The following RNF213 variants were observed in gnomAD, a reference collection of about 807,000 sequenced individuals.
RNF213 encodes ring finger protein 213, also known as E3 ubiquitin-protein ligase RNF213.
A neutral mutation model predicts 514.4 loss-of-function variants in RNF213; 341 were observed. That is an observed-to-expected ratio of 0.66 (90% CI 0.61 to 0.73). RNF213 has a LOEUF of 0.73. RNF213 is among the 30% of genes least tolerant of loss of function. The pLI, the probability that RNF213 is intolerant of heterozygous loss-of-function variation, is 0.00. For synonymous variants in RNF213, 2,655 were observed against 2,658.2 expected, an observed-to-expected ratio of 1.00 and a Z score of 0.04; for missense variants, 5,767 against 6,615.6, an observed-to-expected ratio of 0.87 and a Z score of 4.45.
rs756461345 is a variant in RNF213 at position 80,287,864 on chromosome 17, C to T, written c.311C>T (p.Ser104Phe). The part of the protein sequence containing the change: ...KKKKKGNKSA[S>F]SELASLPLSP... ...AAAAAGAAGGGGAACAAGTCCGCTT[C>T]CTCAGAGCTGGCTTCCTTGCCCCTT... Residue 104 changes from serine (S) to phenylalanine (F), a missense_variant, in exon 4 of 68, where the codon TCC (serine) becomes TTC (phenylalanine). Ser to Phe is a radical substitution (Grantham distance 155, BLOSUM62 -2). Transcript: ENST00000582970. 3.7e-6 allele frequency: 6 copies of T among 1,602,398 alleles called. No individual in the cohort carries two copies. The Admixed American group carries it at 6.8e-5, about 18-fold the overall frequency.
At chr17:80,282,711 T>G (rs983497221) in intron 3 of RNF213, among the ~76,000 whole-genome samples, 1 of 151,862 alleles carries the variant, frequency 6.6e-6, no homozygotes, top group Non-Finnish European at 1.5e-5. Context: ...TATTACTATT[T>G]TTCAAGGCAG....
chr17:80,317,334 A>G lies in RNF213; in HGVS notation c.2901+57A>G. On this transcript the variant is annotated intron_variant, in intron 16 of 67. Coordinates refer to ENST00000582970, the MANE Select transcript of RNF213 (RefSeq NM_001256071.3). This position sits in a 1 kb window ranked among gnomAD's most constrained non-coding sequence, Gnocchi z 4.1. ...GCGTGAAGGCAAGCTGGAGAACCCC[A>G]GACCATTAGCGACAGCCAAGAGATC... 3 of 1,510,770 alleles carry G rather than the reference A, an allele frequency of 2.0e-6. No homozygotes were observed. In the South Asian group the frequency reaches 3.5e-5, roughly 18 times the overall value. The allele number at this position is 1,510,770 out of a possible 1,614,324, so 93.6% of individuals were successfully genotyped here.
rs1238433526 is a variant in RNF213, at chr17:80,347,335, G to A, written c.9000G>A (p.Leu3000=). 6.2e-7 allele frequency: 1 copy of A among 1,613,968 alleles called. No individual in the cohort carries two copies. The highest frequency in any genetic ancestry group is 8.5e-7 in the Non-Finnish European group (1 of 1,180,018). The change falls in exon 29 of 68, where the codon CTG becomes CTA. Residue 3000 remains leucine (L), a synonymous_variant. Transcript: ENST00000582970. This position sits in a 1 kb window ranked among gnomAD's most constrained non-coding sequence, Gnocchi z 7.2. The part of the protein sequence containing the change: ...KDDIQALDIF[L]ANLPEAKCSE... ...ACATCCAAGCTTTGGACATCTTTCTGGCCAATTTGCCCGAGGCCAAGTGCT... is the reference window on the plus strand; with the variant it reads ...ACATCCAAGCTTTGGACATCTTTCTAGCCAATTTGCCCGAGGCCAAGTGCT...
chr17:80,344,898 G>T lies in RNF213; in HGVS notation c.6563G>T (p.Gly2188Val). 1 of 1,614,150 alleles carries T rather than the reference G, an allele frequency of 6.2e-7. No homozygotes were observed. The highest frequency in any genetic ancestry group is 8.5e-7 in the Non-Finnish European group (1 of 1,180,036). ...QDLDTFQYQE[G>V]SVEGTPEECL... ...CTAGACACGTTTCAGTATCAAGAAG[G>T]CTCTGTCGAAGGCACCCCGGAGGAA... The change falls in exon 29 of 68, where the codon GGC becomes GTC. Residue 2188 changes from glycine to valine, a missense_variant. Coordinates refer to ENST00000582970, the MANE Select transcript of RNF213 (RefSeq NM_001256071.3).
chr17:80,319,274 G>A lies in RNF213; in HGVS notation c.2986G>A (p.Glu996Lys), dbSNP rs1368310670. The A allele has an allele frequency of 1.9e-6, 3 of 1,614,162 alleles. No homozygotes were observed. Among genetic ancestry groups the A allele is most frequent in the Non-Finnish European group, 2.5e-6 (3 of 1,180,036 alleles). Reference sequence around the variant, plus strand: ...AGAGGACAGTGTGGCCAAGACCTTCGAGAAATGCATCATTGAAGCCGTGAG... The same window carrying A: ...AGAGGACAGTGTGGCCAAGACCTTCAAGAAATGCATCATTGAAGCCGTGAG... The part of the protein sequence containing the change: ...GLEDSVAKTF[E>K]KCIIEAVSSA... Residue 996 changes from glutamate (E) to lysine (K), a missense_variant, in exon 17 of 68, where the codon GAG becomes AAG. This residue lies in a region of RNF213 where 516 missense variants were observed against 566.5 expected (regional missense o/e 0.91). Transcript: ENST00000582970.
chr17:80,358,044 C>T (rs549600375), intron 36 of RNF213, among the ~76,000 whole-genome samples: 2 of 152,180 alleles, frequency 1.3e-5, no homozygotes, highest in Non-Finnish European at 2.9e-5. Context: ...AACCTAATGA[C>T]AGTTTATTAG....
rs762969923 is a variant in RNF213 at position 80,369,670 on chromosome 17, G to C, written c.12324G>C (p.Gln4108His). 4 of 1,614,098 alleles carry C rather than the reference G, an allele frequency of 2.5e-6. No individual in the cohort carries two copies. Among genetic ancestry groups the C allele is most frequent in the Non-Finnish European group, 3.4e-6 (4 of 1,180,062 alleles). ...AGGGGCGCTTAAGAGATGCTGCCCA[G>C]AGTAGGTTGCTTTCTTCCTGTAAAC... ...VQKGRLRDAA[Q>H]RHCEHTKSLS... The change falls in exon 45 of 68, where the codon CAG (glutamine) becomes CAC (histidine). Residue 4108 changes from glutamine (Q) to histidine (H), a missense_variant and splice_region_variant. Gln to His is a conservative substitution (Grantham distance 24, BLOSUM62 0). This residue lies in a region of RNF213 where 93 missense variants were observed against 95.6 expected (regional missense o/e 0.97). Transcript: ENST00000582970.
intron 36 of RNF213, chr17:80,355,359 A>G (rs866678372): frequency 0.046 from 18,592 of 404,256 alleles, 871 homozygotes; most frequent in Non-Finnish European, 0.067. Context: ...AAGCGGGGTG[A>G]ACGGGAATGG....
chr17:80,267,719 T>C (rs531283543), intron 2 of RNF213, among the ~76,000 whole-genome samples: 1 of 152,118 alleles, frequency 6.6e-6, no homozygotes, highest in South Asian at 2.1e-4. Flanking sequence ...AACATAAAAG[T>C]GCAAGGTGAA....
intron 16 of RNF213, among the ~76,000 whole-genome samples, chr17:80,318,397 T>C (rs1278568723): frequency 1.3e-5 from 2 of 151,970 alleles, no homozygotes; most frequent in African/African-American, 4.8e-5. Context: ...CCTCCATCAA[T>C]GGGGCCCCAG....
At position 80,379,709 on chromosome 17, in the gene RNF213, G is replaced by T; in HGVS notation, c.13635G>T (p.Leu4545=). 1 of 1,613,914 alleles carries T rather than the reference G, an allele frequency of 6.2e-7. No homozygotes were observed. The highest frequency in any genetic ancestry group is 8.5e-7 in the Non-Finnish European group (1 of 1,179,798). Residue 4545 remains leucine, a synonymous_variant, in exon 55 of 68, where the codon CTG becomes CTT. Coordinates refer to ENST00000582970, the MANE Select transcript of RNF213 (RefSeq NM_001256071.3). ...ACAAACCTCGGGACGGCTTTCATCT[G>T]GTCAAGTATGTGGGTCAGGATTCTA... The part of the protein sequence containing the change: ...IDHKPRDGFH[L]VKDKADRTQT...
At chr17:80,300,024 A>G (rs989202068) in intron 11 of RNF213, among the ~76,000 whole-genome samples, 1 of 152,200 alleles carries the variant, frequency 6.6e-6, no homozygotes. Context: ...CAATGAACAT[A>G]CATGGGCATG....
intron 26 of RNF213, chr17:80,340,577 T>A: frequency 2.1e-6 from 1 of 466,742 alleles, no homozygotes. Flanking sequence ...CCCTTCCTCC[T>A]CTCAGCAAAC....
intron 41 of RNF213, among the ~76,000 whole-genome samples, chr17:80,364,156 G>A (rs569295005): frequency 8.4e-4 from 128 of 152,332 alleles, no homozygotes; most frequent in Non-Finnish European, 1.6e-3. Flanking sequence ...AAGGTGAGGT[G>A]GGACTTGACA....
At chr17:80,383,983 G>A in intron 59 of RNF213, 55 bp downstream of exon 59, 1 of 1,607,614 alleles carries the variant, frequency 6.2e-7, no homozygotes, top group Non-Finnish European at 8.5e-7. Flanking sequence ...TTCCCCAGCA[G>A]GCCTGAAGGC....
rs1031263505 is a variant in RNF213 at position 80,380,971 on chromosome 17, C to T, written c.13781C>T (p.Ala4594Val). 3 of 1,614,188 alleles carry T rather than the reference C, an allele frequency of 1.9e-6. No individual in the cohort carries two copies. The highest frequency in any genetic ancestry group is 8.5e-7 in the Non-Finnish European group (1 of 1,180,030). The change falls in exon 56 of 68, where the codon GCG (alanine) becomes GTG (valine). Residue 4594 changes from alanine to valine, a missense_variant. By Grantham distance (64) the Ala-to-Val change is moderately conservative. This residue lies in a region of RNF213 where 1,245 missense variants were observed against 1,339.0 expected (regional missense o/e 0.93). Coordinates refer to ENST00000582970, the MANE Select transcript of RNF213 (RefSeq NM_001256071.3). ...ACTCACTTGGCTCTGCTTCTGGGAG[C>T]GTCCCAGAGTTCCCAGGTATAACCC... ...LLTHLALLLG[A>V]SQSSQALINI...
chr17:80,344,633 A>G (rs1266311963), intron 28 of RNF213, 45 bp from the exon 29 acceptor site: 2 of 1,610,690 alleles, frequency 1.2e-6, no homozygotes, highest in African/African-American at 2.7e-5. Flanking sequence ...AGCATTTCTT[A>G]GAAAGTCTTC....
chr17:80,375,651 C>T (rs544380600), intron 50 of RNF213, 109 bp from the exon 51 acceptor site: 1,033 of 772,138 alleles, frequency 1.3e-3, no homozygotes, highest in Non-Finnish European at 1.9e-3. Context: ...TGCAGTGAGC[C>T]GAGATCATGC....
rs778535000 is a variant in RNF213 at position 80,375,911 on chromosome 17, T to G, written c.13185+41T>G. 1.2e-5 allele frequency: 16 copies of G among 1,329,304 alleles called. 1 individual carries two copies. In the South Asian group the frequency reaches 1.8e-4, roughly 15 times the overall value. 82.3% of individuals were successfully genotyped at this position (1,329,304 alleles called of 1,614,324 possible). A position where few individuals can be genotyped will look rare whatever the true frequency, so the allele number is the denominator to read the frequency against. ...CAGGGCTGTGTTCAAAGTCTCAGTA[T>G]TTGGAGGGATTTTATTGAATAGAAT... On this transcript the variant is annotated intron_variant, in intron 51 of 67. Coordinates refer to ENST00000582970, the MANE Select transcript of RNF213 (RefSeq NM_001256071.3).
Sources: gnomAD v4.1 joint callset for allele counts (sites outside exome capture counted in the v4.1 genomes callset) on GRCh38, gnomAD v4.1.1 for gene constraint, gnomAD v4.1.1 regional missense constraint, Gnocchi (gnomAD v3.1) non-coding constraint, MANE v1.5 for transcripts, NCBI Gene and HGNC (gene_info 2026-07-23, HGNC 2026-07-21) for gene names.